SNX25: variants seen among roughly 807,000 people sequenced by gnomAD.
SNX25 encodes the protein sorting nexin-25.
Under a neutral mutation model 113.7 loss-of-function variants are expected in SNX25, and 62 were observed. That is an observed-to-expected ratio of 0.55 (90% CI 0.44 to 0.67). The LOEUF (loss-of-function observed/expected upper bound fraction) is 0.67, where lower values mean the gene tolerates loss of function less well. Among genes scored for constraint, SNX25 ranks in the 30% least tolerant of loss-of-function variants. SNX25 has a pLI of 0.00. For synonymous variants in SNX25, 421 were observed against 436.2 expected (o/e 0.97, Z 0.43); for missense variants, 1,014 against 1,161.0 (o/e 0.87, Z 1.84).
At position 185,342,095 on chromosome 4, in the gene SNX25, T is replaced by C. The variant is rs200610548; in HGVS notation, c.2166T>C (p.Asn722=). ...CCAGAAGGCTCAGCGAGTTTCAGAA[T>C]TTACACCGGAAACTCAGTGAGGTAT... ...TVPRRLSEFQ[N]LHRKLSECVP... The change falls in exon 12 of 19, where the codon AAT becomes AAC. Residue 722 remains asparagine, a synonymous_variant. Coordinates refer to ENST00000652585, the MANE Select transcript of SNX25 (RefSeq NM_001378034.2). The C allele has an allele frequency of 1.3e-4, 213 of 1,602,200 alleles. No homozygotes were observed. The highest frequency in any genetic ancestry group is 1.7e-4 in the Non-Finnish European group (205 of 1,175,424).
At chr4:185,219,807 C>T (rs1553982922) in intron 1 of SNX25, among the ~76,000 whole-genome samples, 1 of 152,092 alleles carries the variant, frequency 6.6e-6, no homozygotes, top group Non-Finnish European at 1.5e-5. Flanking sequence ...AAAATATATA[C>T]CCGAGGGCTG....
chr4:185,231,379 A>G (rs1055288518), intron 1 of SNX25, among the ~76,000 whole-genome samples: 51 of 150,034 alleles, frequency 3.4e-4, no homozygotes, highest in African/African-American at 8.8e-4. Context: ...GATTACAGGC[A>G]TGAGCCACCA....
At chr4:185,332,484 G>T in intron 9 of SNX25, 111 bp from the exon 10 acceptor site, 1 of 1,039,034 alleles carries the variant, frequency 9.6e-7, no homozygotes, top group South Asian at 3.5e-5. Flanking sequence ...TTCTACTTTA[G>T]TATTCTTTCC....
At chr4:185,222,508 C>T (rs1740145590) in intron 1 of SNX25, among the ~76,000 whole-genome samples, 1 of 152,076 alleles carries the variant, frequency 6.6e-6, no homozygotes, top group Admixed American at 6.6e-5. Flanking sequence ...GCGCCGTATA[C>T]CCCTCCCTCG....
chr4:185,271,683 G>T (rs1321788364), intron 5 of SNX25, among the ~76,000 whole-genome samples: 1 of 152,248 alleles, frequency 6.6e-6, no homozygotes, highest in East Asian at 1.9e-4. Context: ...TTTGGGATAG[G>T]CTGCCTGAGG....
At chr4:185,252,839 T>C (rs1029371430) in intron 2 of SNX25, among the ~76,000 whole-genome samples, 2 of 152,202 alleles carry the variant, frequency 1.3e-5, no homozygotes, top group African/African-American at 4.8e-5. Flanking sequence ...TATGAAATAC[T>C]AGAGCTACAA....
chr4:185,370,570 C>G, downstream of SNX25: 2 of 1,505,984 alleles, frequency 1.3e-6, no homozygotes, highest in Non-Finnish European at 1.8e-6. Flanking sequence ...ATCCGTAAAA[C>G]TATTCAAGTT....
intron 14 of SNX25, among the ~76,000 whole-genome samples, chr4:185,352,562 T>C (rs955456959): frequency 1.3e-5 from 2 of 152,182 alleles, no homozygotes; most frequent in African/African-American, 4.8e-5. Flanking sequence ...CCTGAACCCC[T>C]GGAGTTAATA....
chr4:185,312,035 A>G (rs2095035093), intron 7 of SNX25, among the ~76,000 whole-genome samples: 1 of 152,184 alleles, frequency 6.6e-6, no homozygotes, highest in Admixed American at 6.5e-5. Flanking sequence ...AATCAGAGAG[A>G]TGGTAGATTT....
At position 185,239,646 on chromosome 4, in the gene SNX25, A is replaced by G. The variant is rs1743315091; in HGVS notation, c.430-7648A>G. ...GTTTAAATCTTAAAATGAAGACAAA[A>G]CTTTATTTTATTTTTGTTGTTGTTT... On this transcript the variant is annotated intron_variant, in intron 1 of 18. Transcript: ENST00000652585. Among the ~76,000 whole-genome samples, 4 of 151,486 alleles carry G rather than the reference A, an allele frequency of 2.6e-5. 1 individual carries two copies. The South Asian group carries it at 8.3e-4, about 32-fold the overall frequency.
At chr4:185,254,744 G>A (rs1362713494) in intron 2 of SNX25, among the ~76,000 whole-genome samples, 1 of 152,002 alleles carries the variant, frequency 6.6e-6, no homozygotes, top group Non-Finnish European at 1.5e-5. Flanking sequence ...CATCTCCAGT[G>A]GCCTCCTTTT....
At chr4:185,260,553 CTCATCGTA>C (rs1747147233) in intron 3 of SNX25, among the ~76,000 whole-genome samples, 1 of 152,160 alleles carries the variant, frequency 6.6e-6, no homozygotes, top group African/African-American at 2.4e-5. Flanking sequence ...CAGTTCACTA[CTCATCGTA>C]TCTATTGGTA....
rs1474103628 is a variant in SNX25 at position 185,339,393 on chromosome 4, GA to G, written c.1931del (p.Lys644ArgfsTer4). On this transcript the variant is annotated frameshift_variant, in exon 11 of 19. Transcript: ENST00000652585. LOFTEE classifies it high-confidence loss of function. ...CCCTGTGGCAGATTGTTTCCAAGTT[GA>G]AGGATGAAATAATCCTAATAGAGAA... ...KPDKKIVSKL[K>X]DEIILIEKER... 6 of 1,613,746 alleles carry G rather than the reference GA, an allele frequency of 3.7e-6. No homozygotes were observed.
intron 10 of SNX25, among the ~76,000 whole-genome samples, 170 bp from the exon 11 acceptor site, chr4:185,339,209 T>C (rs531821977): frequency 6.6e-6 from 1 of 152,358 alleles, no homozygotes; most frequent in African/African-American, 2.4e-5. Context: ...AAGAATTTTT[T>C]TAATGCTATT....
downstream of SNX25, among the ~76,000 whole-genome samples, chr4:185,368,897 G>A (rs548577723): frequency 1.3e-4 from 19 of 150,986 alleles, no homozygotes; most frequent in South Asian, 3.6e-3. Context: ...AGGTTCAAGC[G>A]ATTCTCATGC....
chr4:185,278,224 A>T (rs144147323), intron 5 of SNX25, among the ~76,000 whole-genome samples: 81 of 152,312 alleles, frequency 5.3e-4, no homozygotes, highest in African/African-American at 1.9e-3. Context: ...ACTGTAGAGA[A>T]ATGCAGTTCT....
At position 185,220,095 on chromosome 4, in the gene SNX25, T is replaced by C. The variant is rs1464255611; in HGVS notation, c.429+9840T>C. On this transcript the variant is annotated intron_variant, in intron 1 of 18. Transcript: ENST00000652585. ...TTTGGCCTCCTACAATAATCATCCCTGTCTATATTGAGGACTTAAGAGATT... is the reference window on the plus strand; with the variant it reads ...TTTGGCCTCCTACAATAATCATCCCCGTCTATATTGAGGACTTAAGAGATT... Among the ~76,000 whole-genome samples, 3 of 152,148 alleles carry C rather than the reference T, an allele frequency of 2.0e-5. No individual in the cohort carries two copies. In the East Asian group the frequency reaches 5.8e-4, roughly 29 times the overall value.
chr4:185,349,024 A>G (rs543073195), intron 13 of SNX25, among the ~76,000 whole-genome samples: 60 of 152,252 alleles, frequency 3.9e-4, no homozygotes, highest in Middle Eastern at 6.8e-3. Flanking sequence ...TGTTGTTGCA[A>G]TTGACAGGAT....
At chr4:185,369,811 G>T (rs900061244) in exon 12 of SNX25, 9 of 425,468 alleles carry the variant, frequency 2.1e-5, no homozygotes, top group African/African-American at 1.2e-4. Flanking sequence ...CTGAAATAAG[G>T]CCTGAACTTT....
Sources: gnomAD v4.1 joint callset for allele counts (sites outside exome capture counted in the v4.1 genomes callset) on GRCh38, gnomAD v4.1.1 for gene constraint, MANE v1.5 for transcripts, NCBI Gene and HGNC (gene_info 2026-07-23, HGNC 2026-07-21) for gene names.